DLC1: variants seen among roughly 807,000 people sequenced by gnomAD.
DLC1 encodes the protein DLC1 Rho GTPase activating protein, also known as rho GTPase-activating protein 7.
In DLC1, 54 loss-of-function variants were observed where a neutral mutation model predicts 140.3. That is an observed-to-expected ratio of 0.38 (90% CI 0.31 to 0.48). DLC1 has a LOEUF of 0.48. Among genes scored for constraint, DLC1 ranks in the 20% least tolerant of loss-of-function variants. The probability of loss-of-function intolerance (pLI) is 0.96; values close to 1 mark genes in which losing one functional copy is unlikely to be tolerated. For synonymous variants in DLC1, 986 were observed against 728.1 expected, an observed-to-expected ratio of 1.35 and a Z score of -5.70; for missense variants, 2,536 against 1,907.0, an observed-to-expected ratio of 1.33 and a Z score of -6.14.
intron 2 of DLC1, among the ~76,000 whole-genome samples, chr8:13,489,538 C>A (rs1363684593): frequency 6.6e-6 from 1 of 150,764 alleles, no homozygotes. Flanking sequence ...TATATTAACT[C>A]ATTTAATATT....
rs181407045 is a variant in DLC1, at chr8:13,234,892, G to A, written c.1348+70377C>T. On this transcript the variant is annotated intron_variant, in intron 5 of 17. Transcript: ENST00000276297. The stretch of plus-strand genomic sequence containing the variant: ...AACCAAAACAAAACAACTGATTTAC[G>A]AATCGTATTATTTTAAAAAGAAACT... Among the ~76,000 whole-genome samples the A allele has an allele frequency of 4.5e-3, 680 of 152,082 alleles. 4 individuals carry two copies. The highest frequency in any genetic ancestry group is 0.015 in the African/African-American group (629 of 41,522).
intron 5 of DLC1, among the ~76,000 whole-genome samples, chr8:13,294,448 A>G (rs755476330): frequency 6.6e-6 from 1 of 152,236 alleles, no homozygotes; most frequent in Non-Finnish European, 1.5e-5. Flanking sequence ...TTCGGAAAGC[A>G]TGAAATTAAT....
At chr8:13,266,767 C>CA (rs201347371) in intron 5 of DLC1, among the ~76,000 whole-genome samples, 12 of 151,792 alleles carry the variant, frequency 7.9e-5, no homozygotes, top group Non-Finnish European at 1.5e-4. Flanking sequence ...CAAAACAAAA[C>CA]AAAAAAAGAG....
At chr8:13,330,429 G>C (rs1369473077) in intron 4 of DLC1, among the ~76,000 whole-genome samples, 1 of 152,180 alleles carries the variant, frequency 6.6e-6, no homozygotes, top group African/African-American at 2.4e-5. Flanking sequence ...GAACACAAAG[G>C]TCTACCTTGC....
chr8:13,380,851 C>T (rs748722915), intron 4 of DLC1, among the ~76,000 whole-genome samples: 1 of 152,134 alleles, frequency 6.6e-6, no homozygotes, highest in Admixed American at 6.5e-5. Flanking sequence ...ATTCTCCTGC[C>T]TTCTTGGAGG....
intron 5 of DLC1, among the ~76,000 whole-genome samples, chr8:13,275,787 TG>T (rs1188252186): frequency 1.3e-5 from 2 of 152,138 alleles, no homozygotes; most frequent in African/African-American, 4.8e-5. Flanking sequence ...AGGCTTTCAC[TG>T]GGCAGCGCCC....
At chr8:13,507,853 A>G (rs959318530) in intron 1 of DLC1, among the ~76,000 whole-genome samples, 2 of 152,226 alleles carry the variant, frequency 1.3e-5, no homozygotes, top group Non-Finnish European at 2.9e-5. Context: ...CACTTTTTCC[A>G]AAATACACAT....
At position 13,094,878 on chromosome 8, in the gene DLC1, A is replaced by C; in HGVS notation, c.3407T>G (p.Val1136Gly). 1 of 1,614,204 alleles carries C rather than the reference A, an allele frequency of 6.2e-7. No individual in the cohort carries two copies. Among genetic ancestry groups the C allele is most frequent in the South Asian group, 1.1e-5 (1 of 91,078 alleles). Residue 1136 changes from valine (V) to glycine (G), a missense_variant, in exon 12 of 18, where the codon GTC becomes GGC. Coordinates refer to ENST00000276297, the MANE Select transcript of DLC1 (RefSeq NM_182643.3). ...RQMNEGAIDC[V>G]NYEGQSAYDV... ...ATAAGCAGACTGTCCTTCGTAGTTG[A>C]CACAGTCTATGGCACCTTCATTCAT... is the stretch of plus-strand genomic sequence containing the variant.
chr8:13,435,538 T>C (rs1000920303), intron 2 of DLC1, among the ~76,000 whole-genome samples: 1 of 152,158 alleles, frequency 6.6e-6, no homozygotes, highest in Non-Finnish European at 1.5e-5. Flanking sequence ...GGTCTTGAAC[T>C]CCTGACCTCA....
intron 5 of DLC1, among the ~76,000 whole-genome samples, chr8:13,292,631 T>G (rs1563229873): frequency 6.6e-6 from 1 of 152,012 alleles, no homozygotes; most frequent in Non-Finnish European, 1.5e-5. Context: ...GAAATAATAC[T>G]TTAAAAAAAA....
chr8:13,516,227 A>G (rs1035717477), upstream of DLC1, among the ~76,000 whole-genome samples: 1 of 152,188 alleles, frequency 6.6e-6, no homozygotes, highest in Non-Finnish European at 1.5e-5. Context: ...AAATTTCTAG[A>G]AGCTTTCAAT....
At chr8:13,343,342 G>A (rs1030633148) in intron 4 of DLC1, among the ~76,000 whole-genome samples, 5 of 152,122 alleles carry the variant, frequency 3.3e-5, no homozygotes, top group African/African-American at 9.7e-5. Context: ...ATGTACAGGG[G>A]CTGTCATTCT....
At chr8:13,184,690 C>G (rs1472807588) in intron 5 of DLC1, among the ~76,000 whole-genome samples, 1 of 152,138 alleles carries the variant, frequency 6.6e-6, no homozygotes, top group Admixed American at 6.6e-5. Flanking sequence ...CTGTTCTTTA[C>G]ATTTGCTGAG....
At chr8:13,200,527 T>G (rs1202345193) in intron 5 of DLC1, among the ~76,000 whole-genome samples, 1 of 152,190 alleles carries the variant, frequency 6.6e-6, no homozygotes, top group East Asian at 1.9e-4. Context: ...AATACTGATG[T>G]TTTCTTTCCT....
chr8:13,356,295 A>C (rs571872385), intron 4 of DLC1, among the ~76,000 whole-genome samples: 4 of 152,054 alleles, frequency 2.6e-5, no homozygotes, highest in Non-Finnish European at 5.9e-5. Flanking sequence ...ATGAACTCAG[A>C]AGTCATCCAG....
chr8:13,572,372 A>G (rs1420779280), intron 1 of DLC1, among the ~76,000 whole-genome samples: 1 of 152,082 alleles, frequency 6.6e-6, no homozygotes, highest in Non-Finnish European at 1.5e-5. Context: ...AATTATTTTT[A>G]TATTTTGGAT....
At chr8:13,340,198 TTTTTTA>T (rs1946087314) in intron 4 of DLC1, 2 of 152,354 alleles carry the variant, frequency 1.3e-5, no homozygotes, top group South Asian at 2.1e-4. Context: ...CTTGGTTTCA[TTTTTTA>T]TTTTTATTTT....
chr8:13,411,810 A>G (rs943011491), intron 2 of DLC1, among the ~76,000 whole-genome samples: 5 of 152,202 alleles, frequency 3.3e-5, no homozygotes, highest in Non-Finnish European at 7.4e-5. Context: ...ATTTTGATTT[A>G]TCTGTCAGAT....
intron 4 of DLC1, among the ~76,000 whole-genome samples, chr8:13,319,038 C>A (rs934998867): frequency 5.3e-5 from 8 of 152,190 alleles, no homozygotes; most frequent in Non-Finnish European, 1.2e-4. Flanking sequence ...ATAGAGCTGG[C>A]TTTTGCAGAC....
Sources: allele counts gnomAD v4.1 joint callset (sites outside exome capture counted in the v4.1 genomes callset), GRCh38; gene constraint gnomAD v4.1.1; transcripts MANE v1.5; gene names NCBI Gene and HGNC (gene_info 2026-07-23, HGNC 2026-07-21).